CFAP43: variants seen among roughly 807,000 people sequenced by gnomAD.
CFAP43 encodes cilia and flagella associated protein 43, also known as cilia- and flagella-associated protein 43.
Under a neutral mutation model 218.9 loss-of-function variants are expected in CFAP43, and 155 were observed. The observed-to-expected ratio is 0.71, with a 90% CI of 0.62 to 0.81. The LOEUF is 0.81. CFAP43 is among the 30% of genes least tolerant of loss of function. CFAP43 has a pLI of 0.00. For synonymous variants in CFAP43, 645 were observed against 681.3 expected (o/e 0.95, Z 0.83); for missense variants, 1,778 against 1,954.3 (o/e 0.91, Z 1.70).
intron 30 of CFAP43, among the ~76,000 whole-genome samples, chr10:104,145,989 G>A (rs1373363374): frequency 2.0e-5 from 3 of 152,144 alleles, no homozygotes; most frequent in African/African-American, 7.2e-5. Flanking sequence ...AAGTAATGGG[G>A]TCTGCAACCT....
chr10:104,187,948 AC>A (rs1427612385), intron 13 of CFAP43, among the ~76,000 whole-genome samples: 1 of 152,238 alleles, frequency 6.6e-6, no homozygotes, highest in Non-Finnish European at 1.5e-5. Flanking sequence ...GAAGGGAACT[AC>A]ACTGTAATCT....
chr10:104,131,017 A>C (rs978169310), intron 37 of CFAP43, among the ~76,000 whole-genome samples: 4 of 149,918 alleles, frequency 2.7e-5, no homozygotes, highest in Non-Finnish European at 4.4e-5. Context: ...AAAAAAAAAA[A>C]AAAAGAAAAG....
At chr10:104,159,093 G>A (rs1417452368) in intron 27 of CFAP43, among the ~76,000 whole-genome samples, 1 of 152,112 alleles carries the variant, frequency 6.6e-6, no homozygotes, top group Non-Finnish European at 1.5e-5. Flanking sequence ...GTAGATAATT[G>A]CGGAAGCTGG....
chr10:104,161,306 A>G (rs936607940), intron 26 of CFAP43, 144 bp from the exon 27 acceptor site: 3 of 866,162 alleles, frequency 3.5e-6, no homozygotes, highest in African/African-American at 3.4e-5. Flanking sequence ...ATCTTGGGCA[A>G]AAGATATTTT....
intron 5 of CFAP43, among the ~76,000 whole-genome samples, chr10:104,211,396 A>G (rs2090858225): frequency 6.6e-6 from 1 of 152,154 alleles, no homozygotes; most frequent in South Asian, 2.1e-4. Flanking sequence ...AAGAAACTTG[A>G]TAAATCTCTG....
chr10:104,181,846 C>A (rs948991584), intron 17 of CFAP43, among the ~76,000 whole-genome samples: 9 of 152,180 alleles, frequency 5.9e-5, no homozygotes, highest in Non-Finnish European at 8.8e-5. Flanking sequence ...TTGTTACTAT[C>A]TCATTGTTTC....
Position 104,133,724 on chromosome 10 carries a change from G to A in CFAP43, c.4492C>T (p.Leu1498Phe). 1.2e-6 allele frequency: 2 copies of A among 1,613,378 alleles called. No homozygotes were observed. The highest frequency in any genetic ancestry group is 1.7e-6 in the Non-Finnish European group (2 of 1,179,726). Residue 1498 changes from leucine (L) to phenylalanine (F), a missense_variant, in exon 35 of 38, where the codon CTT (leucine) becomes TTT (phenylalanine). Transcript: ENST00000357060. ...MESKDVHKRILQIEWEHKKME... is the reference protein window; with the variant it reads ...MESKDVHKRIFQIEWEHKKME... ...TTCTTATGTTCCCACTCAATCTGAAGTATTCTTTTGTGTACATCTTTACTT... is the reference window on the plus strand; with the variant it reads ...TTCTTATGTTCCCACTCAATCTGAAATATTCTTTTGTGTACATCTTTACTT...
At position 104,225,518 on chromosome 10, in the gene CFAP43, T is replaced by C; in HGVS notation, c.359A>G (p.Tyr120Cys). ...GTAACTAGCCAGGTAGGTGCCACAG[T>C]AACTGAATGAAAGTAAAGTGTAGTC... is the stretch of plus-strand genomic sequence containing the variant. ...LLDYTLLSFS[Y>C]CGTYLASYSS... Residue 120 changes from tyrosine to cysteine, a missense_variant, in exon 3 of 38, where the codon TAC (tyrosine) becomes TGC (cysteine). Around this residue, in one of 3 missense-constraint regions of CFAP43, gnomAD observed 1,553 missense variants for 1,685.2 expected, o/e 0.92. Coordinates refer to ENST00000357060, the MANE Select transcript of CFAP43 (RefSeq NM_025145.7). The C allele has an allele frequency of 6.2e-7, 1 of 1,612,940 alleles. No homozygotes were observed. The highest frequency in any genetic ancestry group is 8.5e-7 in the Non-Finnish European group (1 of 1,179,326).
At chr10:104,208,337 A>C (rs1208982248) in intron 5 of CFAP43, among the ~76,000 whole-genome samples, 1 of 152,330 alleles carries the variant, frequency 6.6e-6, no homozygotes, top group South Asian at 2.1e-4. Context: ...CATGTCTCTC[A>C]TTTGCACAAT....
In CFAP43 at chr10:104,203,704, T is replaced by C. The variant is rs144236614; in HGVS notation, c.1063A>G (p.Asn355Asp). The change falls in exon 8 of 38, where the codon AAT becomes GAT. Residue 355 changes from asparagine (N) to aspartate (D), a missense_variant. By Grantham distance (23) the Asn-to-Asp change is conservative. Transcript: ENST00000357060. ...RPVEHMTFSP[N>D]YTVLLIQTDK... ...GTTTGAATCAGCAACACTGTATAAT[T>C]GGGAGAAAATGTCATATGTTCTACA... 2.6e-4 allele frequency: 414 copies of C among 1,611,044 alleles called. No individual in the cohort carries two copies. In the African/African-American group the frequency reaches 4.9e-3, roughly 19 times the overall value.
At chr10:104,203,881 G>T (rs566147145) in intron 7 of CFAP43, 78 bp from the exon 8 acceptor site, 2 of 1,291,424 alleles carry the variant, frequency 1.5e-6, no homozygotes, top group East Asian at 2.6e-5. Flanking sequence ...ACAAGCTAAG[G>T]CTTATTGATT....
chr10:104,187,487 TG>T lies in CFAP43; in HGVS notation c.1692del (p.Thr565GlnfsTer10). The T allele has an allele frequency of 1.9e-6, 3 of 1,569,984 alleles. No homozygotes were observed. The highest frequency in any genetic ancestry group is 2.6e-6 in the Non-Finnish European group (3 of 1,163,468). On this transcript the variant is annotated frameshift_variant, in exon 14 of 38. Transcript: ENST00000357060. LOFTEE classifies it high-confidence loss of function. The stretch of plus-strand genomic sequence containing the variant: ...CTTCCTCTTTCATCAGCAAAGGTTG[TG>T]GAAACTATTAGATTTGGAAAAAGAA... Reference protein sequence around the residue: ...FTLPTLLPQVSTTFADERGRL... With the variant: ...FTLPTLLPQVXTTFADERGRL...
chr10:104,217,363 T>G lies in CFAP43; in HGVS notation c.417-2937A>C, dbSNP rs575490663. Among the ~76,000 whole-genome samples the G allele has an allele frequency of 2.6e-5, 4 of 152,264 alleles. No individual in the cohort carries two copies. The South Asian group carries it at 8.3e-4, about 32-fold the overall frequency. On this transcript the variant is annotated intron_variant, in intron 3 of 37. Transcript: ENST00000357060. ...TTCTTTCTTTCTTTCTTTTTCTTTC[T>G]TTTTGAAATATCATTACTTTAGTGT...
At position 104,162,055 on chromosome 10, in the gene CFAP43, A is replaced by C; in HGVS notation, c.3334-14T>G. 6.2e-7 allele frequency: 1 copy of C among 1,610,250 alleles called. No individual in the cohort carries two copies. The highest frequency in any genetic ancestry group is 8.5e-7 in the Non-Finnish European group (1 of 1,178,656). ...TGTACTGGCATCCTGGGAAAGAGCC[A>C]GAATCAGAGAGGAATACTGAGACAG... On this transcript the variant is annotated splice_polypyrimidine_tract_variant and intron_variant, in intron 25 of 37. Transcript: ENST00000357060.
chr10:104,157,821 C>T (rs1240663661), intron 27 of CFAP43, among the ~76,000 whole-genome samples: 4 of 135,500 alleles, frequency 3.0e-5, no homozygotes, highest in Non-Finnish European at 6.4e-5. Context: ...TGACTCCTAA[C>T]CCCTATAGCA....
chr10:104,146,288 T>G lies in CFAP43; in HGVS notation c.3830A>C (p.Tyr1277Ser), dbSNP rs1444094161. 1 of 1,613,822 alleles carries G rather than the reference T, an allele frequency of 6.2e-7. No individual in the cohort carries two copies. Among genetic ancestry groups the G allele is most frequent in the East Asian group, 2.2e-5 (1 of 44,860 alleles). ...REDLDVCKEH[Y>S]DNLLAEDKVM... The stretch of plus-strand genomic sequence containing the variant: ...TTTGTCTTCTGCCAGTAAGTTGTCA[T>G]AGTGCTCCTTGCACACATCCAGGTC... Residue 1277 changes from tyrosine to serine, a missense_variant, in exon 30 of 38, where the codon TAT (tyrosine) becomes TCT (serine). Tyr to Ser is a moderately radical substitution (Grantham distance 144, BLOSUM62 -2). This residue lies in a region of CFAP43 where 1,553 missense variants were observed against 1,685.2 expected (regional missense o/e 0.92). Coordinates refer to ENST00000357060, the MANE Select transcript of CFAP43 (RefSeq NM_025145.7).
Position 104,167,657 on chromosome 10 carries a change from A to G in CFAP43, c.2772T>C (p.Val924=), listed in dbSNP as rs1274282828. 1 of 1,612,352 alleles carries G rather than the reference A, an allele frequency of 6.2e-7. No homozygotes were observed. Among genetic ancestry groups the G allele is most frequent in the Non-Finnish European group, 8.5e-7 (1 of 1,179,550 alleles). ...TVEELKELER[V]LQQKKIEAEC... is the part of the protein sequence containing the mutation. ...CTGCTTCAATCTTCTTTTGCTGTAAAACTCTTTCCAATTCTTTCAGCTCTT... is the reference window on the plus strand; with the variant it reads ...CTGCTTCAATCTTCTTTTGCTGTAAGACTCTTTCCAATTCTTTCAGCTCTT... Residue 924 remains valine (V), a synonymous_variant, in exon 22 of 38, where the codon GTT becomes GTC. Transcript: ENST00000357060.
intron 2 of CFAP43, 115 bp downstream of exon 2, chr10:104,230,475 C>T (rs1244697655): frequency 2.2e-6 from 3 of 1,383,846 alleles, no homozygotes; most frequent in Non-Finnish European, 2.9e-6. Flanking sequence ...AAAACAAACA[C>T]AAAAAACAAA....
intron 27 of CFAP43, among the ~76,000 whole-genome samples, chr10:104,159,820 A>G (rs1827685354): frequency 6.6e-6 from 1 of 152,194 alleles, no homozygotes; most frequent in Admixed American, 6.5e-5. Flanking sequence ...GCAATAGCCT[A>G]TTTGGAGTGC....
Sources: gnomAD v4.1 joint callset for allele counts (sites outside exome capture counted in the v4.1 genomes callset) on GRCh38, gnomAD v4.1.1 for gene constraint, gnomAD v4.1.1 regional missense constraint, MANE v1.5 for transcripts, NCBI Gene and HGNC (gene_info 2026-07-23, HGNC 2026-07-21) for gene names.